Variants in CNST observed in about 807,000 individuals in gnomAD.
The protein encoded by CNST is consortin, connexin sorting protein.
Under a neutral mutation model 72.4 loss-of-function variants are expected in CNST, and 39 were observed. The observed-to-expected ratio is 0.54, with a 90% confidence interval of 0.42 to 0.70. CNST has a LOEUF of 0.70. Among genes scored for constraint, CNST ranks in the 30% least tolerant of loss-of-function variants. CNST has a pLI of 0.00. For synonymous variants in CNST, 332 were observed against 320.1 expected (o/e 1.04, Z -0.40); for missense variants, 871 against 868.5 (o/e 1.00, Z -0.04).
intron 1 of CNST, among the ~76,000 whole-genome samples, chr1:246,577,894 G>C (rs1219451974): frequency 6.6e-6 from 1 of 151,988 alleles, no homozygotes; most frequent in African/African-American, 2.4e-5. Context: ...ACTCGTCCCT[G>C]TATTAATCTT....
rs1379922336 is a variant in CNST, at chr1:246,591,827, A to G, written c.265A>G (p.Asn89Asp). ...CEVAAGENLQNTLCEASRDEQ... is the reference protein window; with the variant it reads ...CEVAAGENLQDTLCEASRDEQ... Reference sequence around the variant, plus strand: ...GGTGGCTGCAGGTGAGAACTTGCAAAACACCCTTTGTGAAGCCTCCAGAGA... The same window carrying G: ...GGTGGCTGCAGGTGAGAACTTGCAAGACACCCTTTGTGAAGCCTCCAGAGA... The change falls in exon 2 of 11, where the codon AAC becomes GAC. Residue 89 changes from asparagine (N) to aspartate (D), a missense_variant. Coordinates refer to ENST00000366513, the MANE Select transcript of CNST (RefSeq NM_152609.3). The G allele has an allele frequency of 6.2e-7, 1 of 1,614,034 alleles. No homozygotes were observed. Among genetic ancestry groups the G allele is most frequent in the Admixed American group, 1.7e-5 (1 of 59,980 alleles).
At chr1:246,625,604 TAG>T (rs1253643888) in intron 3 of CNST, among the ~76,000 whole-genome samples, 1 of 151,586 alleles carries the variant, frequency 6.6e-6, no homozygotes, top group Non-Finnish European at 1.5e-5. Flanking sequence ...GTATTTTTAG[TAG>T]AGACAAGGTT....
At chr1:246,661,660 G>A (rs572995236) in intron 10 of CNST, among the ~76,000 whole-genome samples, 1 of 152,190 alleles carries the variant, frequency 6.6e-6, no homozygotes, top group Non-Finnish European at 1.5e-5. Context: ...TTGCAAATAT[G>A]TTTATCTAAG....
chr1:246,571,140 A>G (rs955014220), intron 1 of CNST, among the ~76,000 whole-genome samples: 1 of 152,112 alleles, frequency 6.6e-6, no homozygotes, highest in Non-Finnish European at 1.5e-5. Context: ...ATAGCTTGAG[A>G]TTTCTTAAAT....
intron 1 of CNST, among the ~76,000 whole-genome samples, chr1:246,571,987 C>G (rs1660096274): frequency 6.6e-6 from 1 of 151,954 alleles, no homozygotes; most frequent in African/African-American, 2.4e-5. Flanking sequence ...ATTTTTTCTA[C>G]CTTAGCTGCA....
chr1:246,629,885 C>A (rs1273645409), intron 3 of CNST, among the ~76,000 whole-genome samples: 1 of 152,214 alleles, frequency 6.6e-6, no homozygotes, highest in African/African-American at 2.4e-5. Context: ...GTGCACACCA[C>A]CACACCCAGC....
chr1:246,659,379 G>T (rs376358369), intron 9 of CNST, among the ~76,000 whole-genome samples: 1 of 152,202 alleles, frequency 6.6e-6, no homozygotes, highest in Non-Finnish European at 1.5e-5. Context: ...CAGATCACGA[G>T]GTCAGGAGAT....
At chr1:246,651,308 G>A (rs951553985) in intron 9 of CNST, among the ~76,000 whole-genome samples, 2 of 151,958 alleles carry the variant, frequency 1.3e-5, no homozygotes, top group African/African-American at 4.8e-5. Context: ...TTCTCTGTTC[G>A]CTTTCCCAGA....
At chr1:246,580,381 C>A in intron 1 of CNST, among the ~76,000 whole-genome samples, 1 of 152,012 alleles carries the variant, frequency 6.6e-6, no homozygotes, top group Admixed American at 6.6e-5. Context: ...AATCCCTAAT[C>A]ATTTCATTAC....
At chr1:246,635,669 C>T (rs1665167985) in intron 6 of CNST, among the ~76,000 whole-genome samples, 1 of 152,212 alleles carries the variant, frequency 6.6e-6, no homozygotes, top group Non-Finnish European at 1.5e-5. Flanking sequence ...GTCACGCGAG[C>T]ATTTCCAGCG....
intron 2 of CNST, among the ~76,000 whole-genome samples, chr1:246,609,728 C>A (rs1440872877): frequency 1.3e-5 from 2 of 152,214 alleles, no homozygotes; most frequent in African/African-American, 4.8e-5. Flanking sequence ...AAATTTATTT[C>A]TGATCTGCCT....
At chr1:246,637,466 G>A (rs2103111606) in intron 6 of CNST, among the ~76,000 whole-genome samples, 1 of 152,366 alleles carries the variant, frequency 6.6e-6, no homozygotes, top group Non-Finnish European at 1.5e-5. Context: ...GTGGCTCAGA[G>A]TCTGGTGATG....
At chr1:246,662,688 G>C (rs1161609604) in intron 10 of CNST, among the ~76,000 whole-genome samples, 1 of 152,162 alleles carries the variant, frequency 6.6e-6, no homozygotes, top group African/African-American at 2.4e-5. Flanking sequence ...ACCGCACCTG[G>C]CCAGAATTTT....
chr1:246,579,367 A>G (rs1471388069), intron 1 of CNST, among the ~76,000 whole-genome samples: 2 of 152,196 alleles, frequency 1.3e-5, no homozygotes, highest in African/African-American at 2.4e-5. Context: ...CTACCTTATT[A>G]TAAGCTCTTC....
chr1:246,584,675 G>T (rs1373054311), intron 1 of CNST, among the ~76,000 whole-genome samples: 1 of 152,146 alleles, frequency 6.6e-6, no homozygotes, highest in African/African-American at 2.4e-5. Context: ...ACTCATCTCA[G>T]TAGACCGTCC....
At chr1:246,636,200 C>A (rs932048647) in intron 6 of CNST, among the ~76,000 whole-genome samples, 1 of 152,048 alleles carries the variant, frequency 6.6e-6, no homozygotes, top group East Asian at 1.9e-4. Context: ...GGCCACCACT[C>A]GGCTGTGGAG....
At chr1:246,663,613 G>T (rs1275141530) in intron 10 of CNST, among the ~76,000 whole-genome samples, 1 of 152,010 alleles carries the variant, frequency 6.6e-6, no homozygotes, top group Non-Finnish European at 1.5e-5. Context: ...GATGGCAGGT[G>T]CCTGTAATCT....
In CNST at chr1:246,647,744, C is replaced by G; in HGVS notation, c.1543C>G (p.Gln515Glu). ...TGAGAATGTGCTCTGTGGAAATAAT[C>G]AAATATCTGACTTAGGCATACTGCT... ...GSENVLCGNN[Q>E]ISDLGILLPE... The change falls in exon 9 of 11, where the codon CAA becomes GAA. Residue 515 changes from glutamine (Q) to glutamate (E), a missense_variant. Physicochemically the swap from Gln to Glu is conservative, Grantham distance 29. Coordinates refer to ENST00000366513, the MANE Select transcript of CNST (RefSeq NM_152609.3). 6.2e-7 allele frequency: 1 copy of G among 1,614,116 alleles called. No homozygotes were observed.
chr1:246,617,545 A>G (rs1663788912), intron 2 of CNST, among the ~76,000 whole-genome samples: 1 of 152,192 alleles, frequency 6.6e-6, no homozygotes, highest in Non-Finnish European at 1.5e-5. Flanking sequence ...TAATCCTCAC[A>G]CTAATATTAT....
Sources: gnomAD v4.1 joint callset for allele counts (sites outside exome capture counted in the v4.1 genomes callset) on GRCh38, gnomAD v4.1.1 for gene constraint, MANE v1.5 for transcripts, NCBI Gene and HGNC (gene_info 2026-07-23, HGNC 2026-07-21) for gene names.